Variants in CSMD2 observed in about 807,000 individuals in gnomAD.
CSMD2 encodes the protein CUB and Sushi multiple domains 2, also known as CUB and sushi domain-containing protein 2.
A neutral mutation model predicts 398.5 loss-of-function variants in CSMD2; 130 were observed. That is an observed-to-expected ratio of 0.33 (90% CI 0.28 to 0.38). The LOEUF is 0.38. Ranked by LOEUF, CSMD2 falls within the 10% of genes least tolerant of loss-of-function variation. The pLI, the probability that CSMD2 is intolerant of heterozygous loss-of-function variation, is 1.00. For missense variants in CSMD2, 3,829 were observed against 4,764.9 expected (o/e 0.80, Z 5.78); for synonymous variants, 1,828 against 1,908.5 (o/e 0.96, Z 1.10).
At chr1:33,973,819 G>C (rs1486996071) in intron 3 of CSMD2, among the ~76,000 whole-genome samples, 1 of 152,126 alleles carries the variant, frequency 6.6e-6, no homozygotes, top group Non-Finnish European at 1.5e-5. Context: ...TTGGGGAATG[G>C]GGAGTGACCA....
chr1:33,944,594 A>G (rs574518875), intron 3 of CSMD2, among the ~76,000 whole-genome samples: 113 of 152,186 alleles, frequency 7.4e-4, no homozygotes, highest in Non-Finnish European at 1.3e-3. Flanking sequence ...GAATTTAGAG[A>G]TCCGAAGGGT....
Position 33,577,799 on chromosome 1 carries a change from C to T in CSMD2, c.7388-315G>A, listed in dbSNP as rs113087872. On this transcript the variant is annotated intron_variant, in intron 48 of 70. Coordinates refer to ENST00000373381, the MANE Select transcript of CSMD2 (RefSeq NM_001281956.2). Reference sequence around the variant, plus strand: ...TCAGGCTCTCAAATCCCTTCAGCTCCGAAACAGACTTAGAAAGTAGAACCC... The same window carrying T: ...TCAGGCTCTCAAATCCCTTCAGCTCTGAAACAGACTTAGAAAGTAGAACCC... 8.0e-3 allele frequency among the ~76,000 whole-genome samples: 1,214 copies of T among 152,250 alleles called. 11 individuals are homozygous for T. The highest frequency in any genetic ancestry group is 0.019 in the African/African-American group (770 of 41,536).
intron 60 of CSMD2, among the ~76,000 whole-genome samples, chr1:33,540,225 C>A (rs1656198276): frequency 6.6e-6 from 1 of 151,774 alleles, no homozygotes; most frequent in African/African-American, 2.4e-5. Context: ...ACCCTCAGAT[C>A]TTGGAGTACT....
chr1:33,801,172 A>G (rs80051189), intron 10 of CSMD2, among the ~76,000 whole-genome samples: 3,565 of 152,004 alleles, frequency 0.023, 136 homozygotes, highest in African/African-American at 0.08. Context: ...TCTTCCTTCC[A>G]TGCCCCCTCC....
rs540677449 is a variant in CSMD2, at chr1:33,519,030, G to A, written c.*53+435C>T. On this transcript the variant is annotated intron_variant, in intron 70 of 70. Coordinates refer to ENST00000373381, the MANE Select transcript of CSMD2 (RefSeq NM_001281956.2). This position sits in a 1 kb window ranked among gnomAD's most constrained non-coding sequence, Gnocchi z 5.6. ...ATAGCTCTACAGATCTCCAGGGCTT[G>A]ACTTCGACCCAGAGGATGTATATAT... Among the ~76,000 whole-genome samples, 134 of 152,230 alleles carry A rather than the reference G, an allele frequency of 8.8e-4. No homozygotes were observed. Among genetic ancestry groups the A allele is most frequent in the South Asian group, 4.8e-3 (23 of 4,826 alleles).
At chr1:33,617,963 C>T (rs999678401) in intron 37 of CSMD2, among the ~76,000 whole-genome samples, 1 of 152,050 alleles carries the variant, frequency 6.6e-6, no homozygotes, top group African/African-American at 2.4e-5. Context: ...CTGCTTCTTA[C>T]TCTTAACTCC....
chr1:34,153,026 T>G (rs1394768808), intron 1 of CSMD2, among the ~76,000 whole-genome samples: 1 of 152,080 alleles, frequency 6.6e-6, no homozygotes, highest in Non-Finnish European at 1.5e-5. Context: ...TCTTTTTAAT[T>G]TTTTTTTGGA....
chr1:34,036,584 T>G (rs371453135), intron 2 of CSMD2, among the ~76,000 whole-genome samples: 20 of 152,190 alleles, frequency 1.3e-4, no homozygotes, highest in African/African-American at 4.8e-4. Flanking sequence ...GATGGAATCA[T>G]TCTGTGTCTT....
At chr1:33,911,503 G>A (rs563436807) in intron 5 of CSMD2, among the ~76,000 whole-genome samples, 12 of 152,146 alleles carry the variant, frequency 7.9e-5, no homozygotes, top group African/African-American at 2.4e-4. Context: ...CAAAGTGAAC[G>A]TCTGCAGAGT....
Position 33,820,575 on chromosome 1 carries a change from A to AAAC in CSMD2, c.1112-20_1112-19insGTT. 1.7e-6 allele frequency: 2 copies of AAAC among 1,170,478 alleles called. No individual in the cohort carries two copies. Among genetic ancestry groups the AAAC allele is most frequent in the Non-Finnish European group, 2.5e-6 (2 of 801,096 alleles). 72.5% of individuals were successfully genotyped at this position (1,170,478 alleles called of 1,614,324 possible). A position where few individuals can be genotyped will look rare whatever the true frequency, so the allele number is the denominator to read the frequency against. On this transcript the variant is annotated intron_variant, in intron 7 of 70. Coordinates refer to ENST00000373381, the MANE Select transcript of CSMD2 (RefSeq NM_001281956.2). ...TGAGTTACTACAAGGCAAAAAAAAA[A>AAAC]AAAAAAAAAAAAACAGCACACACAG...
At chr1:34,091,165 T>A (rs7513906) in intron 1 of CSMD2, among the ~76,000 whole-genome samples, 1 of 152,188 alleles carries the variant, frequency 6.6e-6, no homozygotes, top group Non-Finnish European at 1.5e-5. Context: ...GTTTCACAAG[T>A]ATCTGTCTTC....
At chr1:33,536,635 C>T (rs2148578190) in intron 62 of CSMD2, among the ~76,000 whole-genome samples, 1 of 152,364 alleles carries the variant, frequency 6.6e-6, no homozygotes, top group Non-Finnish European at 1.5e-5. Flanking sequence ...GGCATGCCAA[C>T]AGGCCTGCCT....
chr1:33,684,814 C>G (rs900748730), intron 25 of CSMD2, among the ~76,000 whole-genome samples: 2 of 152,232 alleles, frequency 1.3e-5, no homozygotes, highest in African/African-American at 4.8e-5. Flanking sequence ...AACTGCCATA[C>G]AGAATTATGA....
At chr1:33,652,100 A>G (rs1643786245) in intron 28 of CSMD2, among the ~76,000 whole-genome samples, 1 of 152,188 alleles carries the variant, frequency 6.6e-6, no homozygotes, top group Non-Finnish European at 1.5e-5. Flanking sequence ...TTCCTCACAA[A>G]TTACTACAAG....
At chr1:33,610,175 C>T (rs1640899820) in intron 41 of CSMD2, among the ~76,000 whole-genome samples, 1 of 151,270 alleles carries the variant, frequency 6.6e-6, no homozygotes, top group Non-Finnish European at 1.5e-5. Flanking sequence ...TATTTTGTTA[C>T]AGCAGCCTGA....
intron 6 of CSMD2, among the ~76,000 whole-genome samples, chr1:33,828,545 G>A (rs1251999744): frequency 6.6e-6 from 1 of 152,202 alleles, no homozygotes; most frequent in Non-Finnish European, 1.5e-5. Context: ...AGGGGAATGA[G>A]GAAGGGGACC....
intron 67 of CSMD2, among the ~76,000 whole-genome samples, chr1:33,523,011 T>C (rs1654452649): frequency 6.6e-6 from 1 of 152,234 alleles, no homozygotes; most frequent in Non-Finnish European, 1.5e-5. Context: ...TCAACTAGCC[T>C]GAATTCCCTC....
intron 3 of CSMD2, among the ~76,000 whole-genome samples, chr1:33,969,505 A>G (rs1645677959): frequency 6.6e-6 from 1 of 152,232 alleles, no homozygotes; most frequent in African/African-American, 2.4e-5. Flanking sequence ...GCGTAGTTAC[A>G]GATGCCATGC....
intron 24 of CSMD2, among the ~76,000 whole-genome samples, chr1:33,695,143 G>C (rs1328510181): frequency 6.6e-6 from 1 of 152,166 alleles, no homozygotes; most frequent in South Asian, 2.1e-4. Context: ...ACTGCAGAGA[G>C]AGACAGAAGA....
Sources: allele counts gnomAD v4.1 joint callset (sites outside exome capture counted in the v4.1 genomes callset), GRCh38; gene constraint gnomAD v4.1.1; non-coding constraint Gnocchi (gnomAD v3.1); transcripts MANE v1.5; gene names NCBI Gene and HGNC (gene_info 2026-07-23, HGNC 2026-07-21).